The following POLA1 variants were observed in gnomAD, a reference collection of about 807,000 sequenced individuals.
POLA1 encodes DNA polymerase alpha 1, catalytic subunit, also known as DNA polymerase alpha catalytic subunit.
A neutral mutation model predicts 124.0 loss-of-function variants in POLA1; 15 were observed. The observed-to-expected ratio is 0.12, with a 90% CI of 0.08 to 0.19. The LOEUF is 0.19. Ranked by LOEUF, POLA1 falls within the 10% of genes least tolerant of loss-of-function variation. POLA1 has a pLI of 1.00. For missense variants in POLA1, 886 were observed against 1,103.4 expected, an observed-to-expected ratio of 0.80 and a Z score of 2.79; for synonymous variants, 408 against 389.4, an observed-to-expected ratio of 1.05 and a Z score of -0.56.
At chrX:24,981,872 T>C (rs2048424380) in intron 36 of POLA1, among the ~76,000 whole-genome samples, 1 of 112,518 alleles carries the variant, frequency 8.9e-6, no homozygotes, top group Non-Finnish European at 1.9e-5. Context: ...TTTGCTTTTG[T>C]TTTGTTCTGC....
intron 35 of POLA1, among the ~76,000 whole-genome samples, chrX:24,913,101 C>T (rs1188749411): frequency 8.9e-6 from 1 of 111,993 alleles, no homozygotes; most frequent in Non-Finnish European, 1.9e-5. Context: ...TAGCCTAAAA[C>T]TGGAAACAAC....
At chrX:24,979,316 C>T (rs1162755231) in intron 36 of POLA1, among the ~76,000 whole-genome samples, 3 of 111,784 alleles carry the variant, frequency 2.7e-5, no homozygotes, top group South Asian at 3.8e-4. Flanking sequence ...GTAAGCATCG[C>T]GTAACAATTA....
At chrX:24,842,977 TCTC>T (rs2046428973) in intron 33 of POLA1, among the ~76,000 whole-genome samples, 1 of 111,939 alleles carries the variant, frequency 8.9e-6, no homozygotes, top group African/African-American at 3.2e-5. Flanking sequence ...AATTTTTACT[TCTC>T]CTGCCTCCCT....
At chrX:24,970,871 C>T in intron 36 of POLA1, among the ~76,000 whole-genome samples, 1 of 111,646 alleles carries the variant, frequency 9.0e-6, no homozygotes, top group Middle Eastern at 4.6e-3. Flanking sequence ...TGAAAGTGAA[C>T]CTGCCCAAGA....
At chrX:24,969,072 G>A (rs2048266201) in intron 36 of POLA1, among the ~76,000 whole-genome samples, 1 of 110,368 alleles carries the variant, frequency 9.1e-6, no homozygotes. Flanking sequence ...GCTGGGTGTG[G>A]TGGCACACGC....
At chrX:24,843,234 A>T (rs140951032) in intron 33 of POLA1, among the ~76,000 whole-genome samples, 7 of 112,244 alleles carry the variant, frequency 6.2e-5, no homozygotes, top group African/African-American at 2.3e-4. Context: ...TATTTCCAGT[A>T]ACATGACTTC....
chrX:24,806,764 T>G (rs752039882), intron 26 of POLA1, among the ~76,000 whole-genome samples: 1 of 112,241 alleles, frequency 8.9e-6, no homozygotes, highest in Non-Finnish European at 1.9e-5. Flanking sequence ...ATTTGTAAAT[T>G]ACGTATGTAT....
At chrX:24,987,487 A>G (rs1365653747) in intron 36 of POLA1, among the ~76,000 whole-genome samples, 1 of 112,497 alleles carries the variant, frequency 8.9e-6, no homozygotes, top group Non-Finnish European at 1.9e-5. Context: ...CCTGTTTGAC[A>G]GTGCCTTGCA....
intron 36 of POLA1, among the ~76,000 whole-genome samples, chrX:24,955,123 G>GT (rs1241276512): frequency 9.4e-6 from 1 of 106,579 alleles, no homozygotes; most frequent in African/African-American, 3.4e-5. Flanking sequence ...TTTTTTGTTT[G>GT]TTTGTTTTTG....
chrX:24,849,670 G>A (rs892441888), intron 34 of POLA1, among the ~76,000 whole-genome samples: 6 of 94,408 alleles, frequency 6.4e-5, no homozygotes, highest in Non-Finnish European at 1.2e-4. Context: ...CTTGCTCTTC[G>A]CCCAGGCTGG....
chrX:24,902,455 A>G (rs1306987421), intron 35 of POLA1, among the ~76,000 whole-genome samples: 1 of 112,225 alleles, frequency 8.9e-6, no homozygotes, highest in Non-Finnish European at 1.9e-5. Context: ...AGTAGATTGA[A>G]GTTGGATCTT....
intron 34 of POLA1, among the ~76,000 whole-genome samples, chrX:24,884,686 T>G (rs2047043400): frequency 8.9e-6 from 1 of 112,069 alleles, no homozygotes; most frequent in Admixed American, 9.5e-5. Context: ...AGTTACAGGC[T>G]TCTAATATTT....
At chrX:24,857,510 A>C (rs1175101092) in intron 34 of POLA1, among the ~76,000 whole-genome samples, 1 of 111,545 alleles carries the variant, frequency 9.0e-6, no homozygotes, top group South Asian at 3.7e-4. Flanking sequence ...TATTATGTCA[A>C]GTCTTCCAAT....
chrX:24,760,217 A>G (rs1032858834), intron 26 of POLA1, among the ~76,000 whole-genome samples: 7 of 111,945 alleles, frequency 6.3e-5, no homozygotes, highest in Non-Finnish European at 9.4e-5. Flanking sequence ...TTTTTCTCCC[A>G]TATAATTTTT....
Position 24,984,292 on chromosome X carries a change from G to A in POLA1, c.4262-11513G>A, listed in dbSNP as rs113428688. On this transcript the variant is annotated intron_variant, in intron 36 of 36. Coordinates refer to ENST00000379068, the MANE Select transcript of POLA1 (RefSeq NM_001330360.2). The stretch of plus-strand genomic sequence containing the variant: ...GTGCATAATAAACATACAGAAATGA[G>A]GATGGCGAGTTTCAGTTTTACCACA... Among the ~76,000 whole-genome samples the A allele has an allele frequency of 5.9e-3, 656 of 112,024 alleles. 5 individuals carry two copies. Among genetic ancestry groups the A allele is most frequent in the African/African-American group, 0.02 (618 of 30,818 alleles).
chrX:24,946,590 G>C (rs1036882041), intron 36 of POLA1, among the ~76,000 whole-genome samples: 1 of 111,359 alleles, frequency 9.0e-6, no homozygotes, highest in African/African-American at 3.3e-5. Flanking sequence ...TCCCTGCCTG[G>C]GTTAGCCAAC....
intron 26 of POLA1, among the ~76,000 whole-genome samples, chrX:24,779,616 C>T (rs1285337231): frequency 9.0e-6 from 1 of 111,692 alleles, no homozygotes; most frequent in Non-Finnish European, 1.9e-5. Flanking sequence ...TTCTTAAGGT[C>T]ACTAAAAAAG....
At chrX:24,981,424 G>T (rs1238195733) in intron 36 of POLA1, among the ~76,000 whole-genome samples, 2 of 112,290 alleles carry the variant, frequency 1.8e-5, no homozygotes, top group Non-Finnish European at 3.8e-5. Flanking sequence ...AACCAAATTT[G>T]CTGTAGCATA....
intron 36 of POLA1, among the ~76,000 whole-genome samples, chrX:24,988,262 T>C (rs2048499510): frequency 1.8e-5 from 2 of 112,759 alleles, no homozygotes; most frequent in Admixed American, 1.9e-4. Context: ...TCTGTTGTCA[T>C]CATTGTCATC....
Sources: allele counts gnomAD v4.1 joint callset (sites outside exome capture counted in the v4.1 genomes callset), GRCh38; gene constraint gnomAD v4.1.1; transcripts MANE v1.5; gene names NCBI Gene and HGNC (gene_info 2026-07-23, HGNC 2026-07-21).